KCNIP4: variants seen among roughly 807,000 people sequenced by gnomAD.
KCNIP4 encodes the protein potassium voltage-gated channel interacting protein 4.
Under a neutral mutation model 34.0 loss-of-function variants are expected in KCNIP4, and 12 were observed. The observed-to-expected ratio is 0.35, with a 90% CI of 0.23 to 0.57. The LOEUF (loss-of-function observed/expected upper bound fraction) is 0.57, where lower values mean the gene tolerates loss of function less well. Among genes scored for constraint, KCNIP4 ranks in the 20% least tolerant of loss-of-function variants. KCNIP4 has a pLI of 0.83. For missense variants in KCNIP4, 238 were observed against 311.7 expected (o/e 0.76, Z 1.78); for synonymous variants, 124 against 102.2 (o/e 1.21, Z -1.29).
chr4:21,502,628 CT>C (rs1228385713), intron 1 of KCNIP4, among the ~76,000 whole-genome samples: 14 of 152,120 alleles, frequency 9.2e-5, no homozygotes, highest in African/African-American at 3.4e-4. Context: ...CCTAAGTTAT[CT>C]TTATCCGAAA....
intron 1 of KCNIP4, among the ~76,000 whole-genome samples, chr4:21,126,633 GA>G (rs796803101): frequency 8.5e-6 from 1 of 117,806 alleles, no homozygotes; most frequent in South Asian, 2.7e-4. Context: ...AAAAAAAAAA[GA>G]AAAGAAAAAA....
intron 1 of KCNIP4, among the ~76,000 whole-genome samples, chr4:21,918,290 T>C (rs923010170): frequency 1.3e-5 from 2 of 152,196 alleles, no homozygotes; most frequent in Non-Finnish European, 2.9e-5. Flanking sequence ...CTTTGGAATC[T>C]TGCTGGATGA....
intron 1 of KCNIP4, among the ~76,000 whole-genome samples, chr4:20,942,021 G>A (rs1198750926): frequency 6.6e-6 from 1 of 152,210 alleles, no homozygotes; most frequent in Non-Finnish European, 1.5e-5. Context: ...TGGCCCCACG[G>A]AGGGATTCTA....
intron 1 of KCNIP4, among the ~76,000 whole-genome samples, chr4:21,504,573 A>T (rs1733674749): frequency 6.6e-6 from 1 of 152,048 alleles, no homozygotes; most frequent in South Asian, 2.1e-4. Context: ...GAAGGGAAAA[A>T]TAAATAAATG....
chr4:21,735,433 T>C (rs1338083513), intron 1 of KCNIP4, among the ~76,000 whole-genome samples: 2 of 152,180 alleles, frequency 1.3e-5, no homozygotes, highest in East Asian at 1.9e-4. Context: ...ATAGTATCTG[T>C]ACATTTTACC....
chr4:21,311,728 T>C (rs1190450071), intron 1 of KCNIP4, among the ~76,000 whole-genome samples: 1 of 152,112 alleles, frequency 6.6e-6, no homozygotes, highest in East Asian at 1.9e-4. Flanking sequence ...AAAATAACTA[T>C]CTTGAACACT....
intron 1 of KCNIP4, among the ~76,000 whole-genome samples, chr4:20,909,746 A>G (rs1195125143): frequency 2.0e-5 from 3 of 152,134 alleles, no homozygotes; most frequent in Non-Finnish European, 4.4e-5. Context: ...TGATACAATG[A>G]GACACTTACC....
chr4:20,993,790 T>C (rs1446740755), intron 1 of KCNIP4, among the ~76,000 whole-genome samples: 1 of 152,236 alleles, frequency 6.6e-6, no homozygotes, highest in Admixed American at 6.5e-5. Flanking sequence ...AAATTTATTA[T>C]GTTACGGTTC....
At chr4:21,565,315 C>G (rs2109040438) in intron 1 of KCNIP4, among the ~76,000 whole-genome samples, 1 of 152,220 alleles carries the variant, frequency 6.6e-6, no homozygotes, top group East Asian at 1.9e-4. Context: ...GGTCTCCCTT[C>G]TTTTACTTTC....
intron 1 of KCNIP4, among the ~76,000 whole-genome samples, chr4:21,280,773 T>C (rs955578029): frequency 2.0e-5 from 3 of 152,208 alleles, no homozygotes; most frequent in Admixed American, 6.5e-5. Flanking sequence ...GAAAACCTAC[T>C]ATTCTATGGT....
At chr4:20,899,116 T>C (rs1726879614) in intron 1 of KCNIP4, among the ~76,000 whole-genome samples, 1 of 152,230 alleles carries the variant, frequency 6.6e-6, no homozygotes, top group Non-Finnish European at 1.5e-5. Flanking sequence ...TTGTTAACTG[T>C]ACATGTTGAT....
At chr4:20,749,497 T>G (rs1753184618) in intron 5 of KCNIP4, among the ~76,000 whole-genome samples, 165 bp downstream of exon 5, 1 of 152,192 alleles carries the variant, frequency 6.6e-6, no homozygotes, top group Non-Finnish European at 1.5e-5. Context: ...GCTTGCAATT[T>G]GTACATCTTT....
intron 3 of KCNIP4, among the ~76,000 whole-genome samples, chr4:20,832,590 AG>A (rs1167169296): frequency 6.6e-6 from 1 of 152,140 alleles, no homozygotes; most frequent in African/African-American, 2.4e-5. Context: ...AACTTCTTGA[AG>A]ATCAATAGGG....
chr4:21,430,869 G>C (rs1224476305), intron 1 of KCNIP4, among the ~76,000 whole-genome samples: 2 of 151,930 alleles, frequency 1.3e-5, no homozygotes, highest in South Asian at 4.2e-4. Context: ...TGGAATACGA[G>C]TGTGGAGCCA....
At chr4:21,049,944 T>C (rs1450852629) in intron 1 of KCNIP4, among the ~76,000 whole-genome samples, 1 of 152,220 alleles carries the variant, frequency 6.6e-6, no homozygotes, top group Non-Finnish European at 1.5e-5. Flanking sequence ...TACAAGTGAC[T>C]CTCATGCATC....
At chr4:20,770,853 T>C (rs756668081) in intron 3 of KCNIP4, among the ~76,000 whole-genome samples, 4 of 152,152 alleles carry the variant, frequency 2.6e-5, no homozygotes, top group Non-Finnish European at 5.9e-5. Context: ...AAGAATTGCT[T>C]GAGCCCGGGA....
At chr4:21,690,451 C>T (rs899782120) in intron 1 of KCNIP4, among the ~76,000 whole-genome samples, 1 of 152,006 alleles carries the variant, frequency 6.6e-6, no homozygotes, top group Non-Finnish European at 1.5e-5. Flanking sequence ...GCTTGGTGCC[C>T]TCCCCAGTGT....
chr4:21,673,936 T>C (rs548294915), intron 1 of KCNIP4, among the ~76,000 whole-genome samples: 3 of 152,328 alleles, frequency 2.0e-5, no homozygotes, highest in South Asian at 4.1e-4. Context: ...TGTTTCTATA[T>C]GTGATTTAAA....
At chr4:21,746,691 T>C (rs558874240) in intron 1 of KCNIP4, among the ~76,000 whole-genome samples, 1 of 151,568 alleles carries the variant, frequency 6.6e-6, no homozygotes, top group East Asian at 1.9e-4. Context: ...AAAAAAAAAA[T>C]TGAACCAATC....
Sources: allele counts gnomAD v4.1 joint callset (sites outside exome capture counted in the v4.1 genomes callset), GRCh38; gene constraint gnomAD v4.1.1; transcripts MANE v1.5; gene names NCBI Gene and HGNC (gene_info 2026-07-23, HGNC 2026-07-21).